NAV2: variants seen among roughly 807,000 people sequenced by gnomAD.
NAV2 encodes neuron navigator 2.
In NAV2, 54 loss-of-function variants were observed where a neutral mutation model predicts 223.2. That is an observed-to-expected ratio of 0.24 (90% CI 0.19 to 0.30). The LOEUF is 0.30. Among genes scored for constraint, NAV2 ranks in the 10% least tolerant of loss-of-function variants. The pLI is 1.00. For missense variants in NAV2, 2,806 were observed against 3,147.5 expected, an observed-to-expected ratio of 0.89 and a Z score of 2.60; for synonymous variants, 1,279 against 1,239.3, an observed-to-expected ratio of 1.03 and a Z score of -0.67.
At chr11:19,408,440 T>A (rs1180459893) in intron 1 of NAV2, among the ~76,000 whole-genome samples, 3 of 152,204 alleles carry the variant, frequency 2.0e-5, no homozygotes, top group Non-Finnish European at 2.9e-5. Context: ...ATATTGTATG[T>A]GGTTTCCCAT....
chr11:19,591,932 T>A (rs1469353117), intron 1 of NAV2, among the ~76,000 whole-genome samples: 1 of 152,162 alleles, frequency 6.6e-6, no homozygotes, highest in East Asian at 1.9e-4. Flanking sequence ...CCATTCAGCT[T>A]CCAAGGCAGG....
At chr11:19,928,702 G>T (rs1430139169) in intron 6 of NAV2, among the ~76,000 whole-genome samples, 3 of 152,134 alleles carry the variant, frequency 2.0e-5, no homozygotes, top group African/African-American at 7.2e-5. Flanking sequence ...CAGCTGCAGG[G>T]GTCGTCTCAG....
In NAV2 at chr11:20,118,446, G is replaced by A. The variant is rs746706744; in HGVS notation, c.*188G>A. 15 of 642,548 alleles carry A rather than the reference G, an allele frequency of 2.3e-5. No homozygotes were observed. Among genetic ancestry groups the A allele is most frequent in the Middle Eastern group, 4.5e-4 (1 of 2,240 alleles). The allele number at this position is 642,548 out of a possible 1,614,324, so 39.8% of individuals were successfully genotyped here. On this transcript the variant is annotated 3_prime_UTR_variant, in exon 38 of 38. Transcript: ENST00000349880. Reference sequence around the variant, plus strand: ...ATCCCGGGCCAGCTGCCTGCGGACCGCTTCCTTCCACAGCGAGAACTGCAC... The same window carrying A: ...ATCCCGGGCCAGCTGCCTGCGGACCACTTCCTTCCACAGCGAGAACTGCAC...
At chr11:19,528,157 C>T (rs2043904013) in intron 1 of NAV2, among the ~76,000 whole-genome samples, 1 of 152,140 alleles carries the variant, frequency 6.6e-6, no homozygotes, top group Admixed American at 6.5e-5. Flanking sequence ...CTTCTCCCAC[C>T]CCAGTTTCAT....
chr11:19,992,336 C>T (rs2051420160), intron 11 of NAV2, among the ~76,000 whole-genome samples: 2 of 152,204 alleles, frequency 1.3e-5, no homozygotes, highest in Non-Finnish European at 2.9e-5. Context: ...AGTAAACCAT[C>T]TGTAACTTAA....
At chr11:19,884,211 A>G in intron 5 of NAV2, 1 of 1,008,888 alleles carries the variant, frequency 9.9e-7, no homozygotes, top group Non-Finnish European at 1.5e-6. Flanking sequence ...CCCCATTGTC[A>G]GAAGACTCTT....
intron 1 of NAV2, among the ~76,000 whole-genome samples, chr11:19,551,277 T>C (rs921377616): frequency 4.6e-5 from 7 of 152,376 alleles, no homozygotes; most frequent in African/African-American, 1.7e-4. Flanking sequence ...TCAAGTTCCA[T>C]GTCTACGCAA....
At chr11:19,431,221 C>G (rs1851024731) in intron 1 of NAV2, among the ~76,000 whole-genome samples, 2 of 152,112 alleles carry the variant, frequency 1.3e-5, no homozygotes, top group Non-Finnish European at 2.9e-5. Context: ...TGGTTAAAGC[C>G]CGAAGTGGGA....
intron 1 of NAV2, among the ~76,000 whole-genome samples, chr11:19,721,987 A>C (rs1201430175): frequency 1.3e-5 from 2 of 152,216 alleles, no homozygotes; most frequent in African/African-American, 2.4e-5. Context: ...TGTAGGTTTG[A>C]AATTTTTAAA....
chr11:19,946,656 G>A (rs2046962171), intron 9 of NAV2, 147 bp downstream of exon 9: 1 of 716,046 alleles, frequency 1.4e-6, no homozygotes, highest in African/African-American at 1.8e-5. Flanking sequence ...AATGCCATAT[G>A]ACATGCAGAA....
upstream of NAV2, chr11:19,711,980 A>C (rs1246792031): frequency 1.3e-5 from 2 of 152,286 alleles, no homozygotes; most frequent in Non-Finnish European, 2.9e-5. Context: ...ATAAATCGCG[A>C]AGGCTGGCCT....
chr11:19,587,572 TG>T (rs1272499703), intron 1 of NAV2, among the ~76,000 whole-genome samples: 1 of 152,226 alleles, frequency 6.6e-6, no homozygotes, highest in African/African-American at 2.4e-5. Flanking sequence ...CAGGGCTTTT[TG>T]GTCCTCATAG....
chr11:19,349,411 C>T (rs1216713967), upstream of NAV2, among the ~76,000 whole-genome samples: 5 of 152,134 alleles, frequency 3.3e-5, no homozygotes, highest in Non-Finnish European at 5.9e-5. Flanking sequence ...CTGAGCTGTG[C>T]GGAAGCCTTT....
chr11:19,511,768 C>T (rs991186424), intron 1 of NAV2: 6 of 152,180 alleles, frequency 3.9e-5, no homozygotes, highest in Admixed American at 1.3e-4. Context: ...GTTGCCCGGG[C>T]CTGGGTTCCC....
At chr11:19,541,832 T>G (rs1423921465) in intron 1 of NAV2, among the ~76,000 whole-genome samples, 1 of 152,228 alleles carries the variant, frequency 6.6e-6, no homozygotes, top group Admixed American at 6.5e-5. Context: ...GTGTCCTGGC[T>G]CCATATGGCA....
chr11:19,874,191 C>T (rs1470127029), intron 4 of NAV2, among the ~76,000 whole-genome samples: 1 of 152,174 alleles, frequency 6.6e-6, no homozygotes, highest in African/African-American at 2.4e-5. Context: ...TTACCCACAG[C>T]ATCTATGCAG....
At chr11:19,919,831 C>T (rs1302844589) in intron 6 of NAV2, among the ~76,000 whole-genome samples, 1 of 152,096 alleles carries the variant, frequency 6.6e-6, no homozygotes, top group Admixed American at 6.6e-5. Flanking sequence ...TAATAAAGTC[C>T]ATTGATTAAG....
chr11:19,491,250 C>T (rs1299768467), intron 1 of NAV2, among the ~76,000 whole-genome samples: 1 of 152,154 alleles, frequency 6.6e-6, no homozygotes, highest in Non-Finnish European at 1.5e-5. Context: ...GTCAGCTCGT[C>T]CTTTGAAGAT....
At position 20,031,778 on chromosome 11, in the gene NAV2, C is replaced by T. The variant is rs1441502061; in HGVS notation, c.2769-4181C>T. Among the ~76,000 whole-genome samples, 5 of 151,758 alleles carry T rather than the reference C, an allele frequency of 3.3e-5. No homozygotes were observed. In the South Asian group the frequency reaches 6.2e-4, roughly 19 times the overall value. ...TGTGTGTGTGCTTCATTCTTCTCAG[C>T]GTTTCCTGTGTAGTCACATAAGTTT... On this transcript the variant is annotated intron_variant, in intron 11 of 37. Coordinates refer to ENST00000349880, the MANE Select transcript of NAV2 (RefSeq NM_145117.5).
Sources: gnomAD v4.1 joint callset for allele counts (sites outside exome capture counted in the v4.1 genomes callset) on GRCh38, gnomAD v4.1.1 for gene constraint, MANE v1.5 for transcripts, NCBI Gene and HGNC (gene_info 2026-07-23, HGNC 2026-07-21) for gene names.